Variants in APP observed in about 807,000 individuals in gnomAD.
APP encodes amyloid-beta precursor protein.
In APP, 31 loss-of-function variants were observed where a neutral mutation model predicts 101.4. The ratio of observed to expected loss-of-function variants is 0.31; its 90% CI spans 0.23 to 0.41. The LOEUF (loss-of-function observed/expected upper bound fraction) is 0.41. APP is among the 10% of genes least tolerant of loss of function. The pLI is 1.00. For missense variants in APP, 839 were observed against 1,003.7 expected, an observed-to-expected ratio of 0.84 and a Z score of 2.22; for synonymous variants, 366 against 364.4, an observed-to-expected ratio of 1.00 and a Z score of -0.05.
chr21:26,139,204 C>T (rs1315606731), intron 1 of APP, among the ~76,000 whole-genome samples: 1 of 151,928 alleles, frequency 6.6e-6, no homozygotes, highest in Non-Finnish European at 1.5e-5. Context: ...TGCACAAAAC[C>T]AAGTAACTGG....
At chr21:26,155,343 G>GT (rs2063353126) in intron 1 of APP, among the ~76,000 whole-genome samples, 1 of 152,152 alleles carries the variant, frequency 6.6e-6, no homozygotes, top group South Asian at 2.1e-4. Context: ...AAAAAATAAT[G>GT]TATTTCATAA....
intron 9 of APP, 147 bp from the exon 10 acceptor site, chr21:25,976,175 A>G (rs2042216676): frequency 1.6e-6 from 1 of 642,662 alleles, no homozygotes; most frequent in African/African-American, 1.8e-5. Flanking sequence ...TATCTGAAGA[A>G]TATTTGACCT....
At chr21:25,900,966 C>T (rs145573512) in intron 15 of APP, among the ~76,000 whole-genome samples, 20,722 of 129,262 alleles carry the variant, frequency 0.16, 1,985 homozygotes, top group African/African-American at 0.29. Flanking sequence ...CCAGCCTGGG[C>T]GACAGAGTGA....
At chr21:26,049,069 T>C (rs2045727582) in intron 5 of APP, among the ~76,000 whole-genome samples, 4 of 152,034 alleles carry the variant, frequency 2.6e-5, no homozygotes, top group African/African-American at 9.7e-5. Context: ...ACAGGTAGAA[T>C]AAACCATCAA....
intron 17 of APP, among the ~76,000 whole-genome samples, chr21:25,887,437 A>G (rs1223210100): frequency 1.3e-5 from 2 of 150,956 alleles, no homozygotes; most frequent in African/African-American, 4.9e-5. Context: ...TCCTTGGGAA[A>G]GCGTGGCCAA....
intron 13 of APP, among the ~76,000 whole-genome samples, chr21:25,915,990 G>A (rs1035534817): frequency 2.0e-5 from 3 of 149,848 alleles, no homozygotes; most frequent in South Asian, 2.1e-4. Flanking sequence ...TTTTTTGGTC[G>A]TTGTTCAAAA....
chr21:26,136,920 A>T (rs1051644865), intron 1 of APP, among the ~76,000 whole-genome samples: 10 of 152,154 alleles, frequency 6.6e-5, no homozygotes, highest in African/African-American at 2.2e-4. Flanking sequence ...TTTTTGAGAC[A>T]GTCTCAATGT....
chr21:25,944,390 T>C (rs1289996789), intron 13 of APP, among the ~76,000 whole-genome samples: 1 of 152,208 alleles, frequency 6.6e-6, no homozygotes, highest in East Asian at 1.9e-4. Flanking sequence ...GATCCACTAT[T>C]TTTGATGAGA....
chr21:25,885,105 G>A (rs1167230153), intron 17 of APP, among the ~76,000 whole-genome samples: 1 of 152,206 alleles, frequency 6.6e-6, no homozygotes, highest in East Asian at 1.9e-4. Flanking sequence ...GACCTTAGAG[G>A]GCTTAGGAGC....
intron 13 of APP, among the ~76,000 whole-genome samples, chr21:25,916,537 A>C (rs116380242): frequency 1.9e-3 from 283 of 152,276 alleles, no homozygotes; most frequent in African/African-American, 6.5e-3. Flanking sequence ...ACTTTCTTTG[A>C]CTTCCATGGT....
chr21:26,125,745 T>C (rs117910015), intron 1 of APP, among the ~76,000 whole-genome samples: 2,527 of 152,336 alleles, frequency 0.017, 37 homozygotes, highest in South Asian at 0.069. Context: ...CCATTCTGTC[T>C]AGCCCCACAT....
intron 1 of APP, among the ~76,000 whole-genome samples, chr21:26,136,143 AG>A (rs2146290699): frequency 8.4e-6 from 1 of 118,764 alleles, no homozygotes; most frequent in African/African-American, 3.6e-5. Context: ...AAAAGAAAAA[AG>A]AAAAGAAAAG....
At chr21:26,073,908 T>C (rs1033406206) in intron 3 of APP, among the ~76,000 whole-genome samples, 3 of 152,218 alleles carry the variant, frequency 2.0e-5, no homozygotes, top group Non-Finnish European at 4.4e-5. Context: ...ATGTTAAATA[T>C]GCTTGGAGAA....
At chr21:26,141,048 GTATC>G (rs1402450076) in intron 1 of APP, among the ~76,000 whole-genome samples, 1 of 152,168 alleles carries the variant, frequency 6.6e-6, no homozygotes, top group Non-Finnish European at 1.5e-5. Flanking sequence ...GTAAAATGGA[GTATC>G]TATCTCATGG....
At chr21:25,974,278 A>G (rs1194213836) in intron 11 of APP, among the ~76,000 whole-genome samples, 2 of 152,216 alleles carry the variant, frequency 1.3e-5, no homozygotes, top group Non-Finnish European at 2.9e-5. Context: ...TTATACTTAC[A>G]TGATGAGGGG....
intron 6 of APP, among the ~76,000 whole-genome samples, chr21:26,019,105 T>C (rs2044222919): frequency 6.6e-6 from 1 of 152,254 alleles, no homozygotes; most frequent in South Asian, 2.1e-4. Context: ...TGTTCACCTG[T>C]TACCTCAACA....
chr21:26,030,374 T>A (rs1475422215), intron 5 of APP, among the ~76,000 whole-genome samples: 1 of 152,070 alleles, frequency 6.6e-6, no homozygotes, highest in Non-Finnish European at 1.5e-5. Context: ...TACTAAAAAT[T>A]TATGTTAATT....
chr21:26,111,903 A>G, intron 2 of APP, 76 bp downstream of exon 2: 3 of 1,530,094 alleles, frequency 2.0e-6, no homozygotes, highest in Non-Finnish European at 2.7e-6. Context: ...ACTGATGCAA[A>G]ATACAAGAAG....
chr21:25,962,371 T>C (rs947642302), intron 11 of APP, among the ~76,000 whole-genome samples: 1 of 152,230 alleles, frequency 6.6e-6, no homozygotes, highest in Non-Finnish European at 1.5e-5. Context: ...AAGAGCGTAA[T>C]GTATTTCTAC....
Sources: allele counts gnomAD v4.1 joint callset (sites outside exome capture counted in the v4.1 genomes callset), GRCh38; gene constraint gnomAD v4.1.1; transcripts MANE v1.5; gene names NCBI Gene and HGNC (gene_info 2026-07-23, HGNC 2026-07-21).